KCNH1: variants seen among roughly 807,000 people sequenced by gnomAD.
The protein encoded by KCNH1 is potassium voltage-gated channel subfamily H member 1.
Under a neutral mutation model 69.2 loss-of-function variants are expected in KCNH1, and 27 were observed. The ratio of observed to expected loss-of-function variants is 0.39; its 90% CI spans 0.29 to 0.54. The LOEUF is 0.54. Among genes scored for constraint, KCNH1 ranks in the 20% least tolerant of loss-of-function variants. The probability of loss-of-function intolerance (pLI) is 0.68; values close to 1 mark genes in which losing one functional copy is unlikely to be tolerated. For synonymous variants in KCNH1, 456 were observed against 487.7 expected, an observed-to-expected ratio of 0.93 and a Z score of 0.86; for missense variants, 798 against 1,261.6, an observed-to-expected ratio of 0.63 and a Z score of 5.57.
chr1:210,744,387 T>C (rs1009963729), intron 10 of KCNH1, among the ~76,000 whole-genome samples: 1 of 152,232 alleles, frequency 6.6e-6, no homozygotes, highest in African/African-American at 2.4e-5. Context: ...GGCTCACGCC[T>C]GTAATCCCAG....
intron 7 of KCNH1, among the ~76,000 whole-genome samples, chr1:210,883,260 A>G (rs745756181): frequency 6.6e-6 from 1 of 152,358 alleles, no homozygotes; most frequent in African/African-American, 2.4e-5. Context: ...AAAGGATGCC[A>G]ACAGAGTTTT....
intron 7 of KCNH1, among the ~76,000 whole-genome samples, chr1:210,810,806 ATGTT>A (rs1257196204): frequency 5.3e-5 from 8 of 152,122 alleles, no homozygotes; most frequent in African/African-American, 1.2e-4. Context: ...ACTTATGTGC[ATGTT>A]TGTCTGCCTT....
chr1:210,854,032 A>C lies in KCNH1; in HGVS notation c.1463-49866T>G, dbSNP rs374493817. 1.2e-4 allele frequency among the ~76,000 whole-genome samples: 18 copies of C among 151,422 alleles called. No individual in the cohort carries two copies. The South Asian group carries it at 3.5e-3, about 30-fold the overall frequency. ...TCGATGAGTTTTGTCACATAAATGAAATAAAAGAGGGCCAAAAATCATGTT... is the reference window on the plus strand; with the variant it reads ...TCGATGAGTTTTGTCACATAAATGACATAAAAGAGGGCCAAAAATCATGTT... On this transcript the variant is annotated intron_variant, in intron 7 of 10. Transcript: ENST00000271751.
chr1:210,684,226 C>T (rs1681354700), intron 10 of KCNH1, 88 bp from the exon 11 acceptor site: 1 of 1,363,722 alleles, frequency 7.3e-7, no homozygotes, highest in African/African-American at 1.5e-5. Flanking sequence ...CTATCTTGGC[C>T]CTCTGCTTCC....
rs775930683 is a variant in KCNH1, at chr1:210,775,534, G to A, written c.1926C>T (p.Asp642=). 5.6e-6 allele frequency: 9 copies of A among 1,613,386 alleles called. No homozygotes were observed. The highest frequency in any genetic ancestry group is 2.7e-5 in the African/African-American group (2 of 74,990). Residue 642 remains aspartate, a synonymous_variant, in exon 10 of 11, where the codon GAC becomes GAT. Coordinates refer to ENST00000271751, the MANE Select transcript of KCNH1 (RefSeq NM_172362.3). ...CCTTCCAGAACACATCTCCAAACAC[G>A]TCTCCTTTTCCTAAGGAGAGAAGGT... The part of the protein sequence containing the change: ...DEVVAILGKG[D]VFGDVFWKEA...
intron 7 of KCNH1, among the ~76,000 whole-genome samples, chr1:210,903,828 A>G (rs1187037500): frequency 3.3e-5 from 5 of 152,186 alleles, no homozygotes; most frequent in African/African-American, 1.2e-4. Context: ...TACTTTACCT[A>G]TCATCAGGTG....
intron 6 of KCNH1, among the ~76,000 whole-genome samples, chr1:210,962,692 T>C (rs1228611819): frequency 6.6e-6 from 1 of 151,818 alleles, no homozygotes; most frequent in Non-Finnish European, 1.5e-5. Context: ...TTTTTAATCA[T>C]AAAAACAATG....
chr1:210,843,949 T>C lies in KCNH1; in HGVS notation c.1463-39783A>G, dbSNP rs1306531811. Reference sequence around the variant, plus strand: ...GGGCTTAGGAGTTGGTATGGCTTACTGTCAATATATCAACTAATAATTTTT... The same window carrying C: ...GGGCTTAGGAGTTGGTATGGCTTACCGTCAATATATCAACTAATAATTTTT... On this transcript the variant is annotated intron_variant, in intron 7 of 10. Coordinates refer to ENST00000271751, the MANE Select transcript of KCNH1 (RefSeq NM_172362.3). Among the ~76,000 whole-genome samples the C allele has an allele frequency of 4.6e-5, 7 of 152,300 alleles. No individual in the cohort carries two copies. The South Asian group carries it at 1.4e-3, about 32-fold the overall frequency.
intron 9 of KCNH1, among the ~76,000 whole-genome samples, chr1:210,778,778 TGA>T (rs1463555225): frequency 6.6e-6 from 1 of 152,178 alleles, no homozygotes; most frequent in Non-Finnish European, 1.5e-5. Flanking sequence ...CCAGAACTAT[TGA>T]GAGTAGAAGC....
chr1:210,864,039 T>C (rs1463514323), intron 7 of KCNH1, among the ~76,000 whole-genome samples: 1 of 152,198 alleles, frequency 6.6e-6, no homozygotes, highest in Admixed American at 6.5e-5. Context: ...AACAGCACAT[T>C]CCAGACAGCC....
rs1427471896 is a variant in KCNH1, at chr1:211,071,872, T to G, written c.558+10908A>C. ...AAGGGTCAACTGTACATCCAACTTCTCAGAAACCATGCAAGCAAGAAGATA... is the reference window on the plus strand; with the variant it reads ...AAGGGTCAACTGTACATCCAACTTCGCAGAAACCATGCAAGCAAGAAGATA... On this transcript the variant is annotated intron_variant, in intron 5 of 10. Coordinates refer to ENST00000271751, the MANE Select transcript of KCNH1 (RefSeq NM_172362.3). Among the ~76,000 whole-genome samples, 5 of 152,094 alleles carry G rather than the reference T, an allele frequency of 3.3e-5. No individual in the cohort carries two copies. The East Asian group carries it at 9.6e-4, about 29-fold the overall frequency.
intron 7 of KCNH1, among the ~76,000 whole-genome samples, chr1:210,836,111 C>CAAAA (rs776429016): frequency 0.17 from 15,798 of 93,034 alleles, 1,764 homozygotes; most frequent in Non-Finnish European, 0.25. Context: ...GTCTCCGTCT[C>CAAAA]AAAAAAAAAA....
intron 9 of KCNH1, among the ~76,000 whole-genome samples, chr1:210,783,927 C>T (rs2102382700): frequency 6.6e-6 from 1 of 152,284 alleles, no homozygotes; most frequent in Middle Eastern, 3.4e-3. Flanking sequence ...GCTTTTTTCA[C>T]CTGCTCTAAG....
chr1:210,863,727 T>C (rs1394678126), intron 7 of KCNH1, among the ~76,000 whole-genome samples: 1 of 152,234 alleles, frequency 6.6e-6, no homozygotes, highest in African/African-American at 2.4e-5. Context: ...CCAAAGGAGC[T>C]GTGCCTTGCT....
chr1:210,905,484 G>T (rs1687083043), intron 7 of KCNH1, among the ~76,000 whole-genome samples: 1 of 152,114 alleles, frequency 6.6e-6, no homozygotes, highest in Non-Finnish European at 1.5e-5. Flanking sequence ...GGTCAATATA[G>T]ACACCTTCCC....
In KCNH1 at chr1:210,683,027, G is replaced by T. The variant is rs1368568499; in HGVS notation, c.*254C>A. ...TAAAAATGAAGGAAAATACCCTTTA[G>T]ACAGCATGTCCCTTCTTCCAAAATT... is the stretch of plus-strand genomic sequence containing the variant. On this transcript the variant is annotated 3_prime_UTR_variant, in exon 11 of 11. Coordinates refer to ENST00000271751, the MANE Select transcript of KCNH1 (RefSeq NM_172362.3). This position sits in a 1 kb window ranked among gnomAD's most constrained non-coding sequence, Gnocchi z 5.7. The T allele has an allele frequency of 1.9e-6, 1 of 513,338 alleles. No homozygotes were observed. The allele number at this position is 513,338 out of a possible 1,614,324, so 31.8% of individuals were successfully genotyped here.
At chr1:211,030,780 A>T (rs4575146) in intron 5 of KCNH1, among the ~76,000 whole-genome samples, 22,390 of 152,130 alleles carry the variant, frequency 0.15, 1,917 homozygotes, top group East Asian at 0.39. Context: ...ATTTAAAACA[A>T]AAGACTGTGT....
intron 7 of KCNH1, among the ~76,000 whole-genome samples, chr1:210,857,930 C>A (rs560431598): frequency 1.6e-4 from 24 of 152,134 alleles, no homozygotes; most frequent in African/African-American, 5.3e-4. Flanking sequence ...TAGTTAAGAT[C>A]AGATACCACA....
chr1:211,011,351 C>CCA (rs1432712320), intron 6 of KCNH1, among the ~76,000 whole-genome samples: 1 of 152,114 alleles, frequency 6.6e-6, no homozygotes, highest in African/African-American at 2.4e-5. Flanking sequence ...TGTATATGTG[C>CCA]CACATTTTCT....
Sources: gnomAD v4.1 joint callset for allele counts (sites outside exome capture counted in the v4.1 genomes callset) on GRCh38, gnomAD v4.1.1 for gene constraint, Gnocchi (gnomAD v3.1) non-coding constraint, MANE v1.5 for transcripts, NCBI Gene and HGNC (gene_info 2026-07-23, HGNC 2026-07-21) for gene names.